The following CNTNAP2 variants were observed in gnomAD, a reference collection of about 807,000 sequenced individuals.
CNTNAP2 encodes the protein contactin-associated protein-like 2.
A neutral mutation model predicts 155.2 loss-of-function variants in CNTNAP2; 98 were observed. That is an observed-to-expected ratio of 0.63 (90% CI 0.54 to 0.75). The LOEUF (loss-of-function observed/expected upper bound fraction) is 0.75. CNTNAP2 is among the 30% of genes least tolerant of loss of function. The pLI is 0.00. For missense variants in CNTNAP2, 1,727 were observed against 1,688.1 expected (o/e 1.02, Z -0.40); for synonymous variants, 651 against 631.2 (o/e 1.03, Z -0.47).
chr7:147,189,277 A>G (rs1159660555), intron 8 of CNTNAP2, among the ~76,000 whole-genome samples: 1 of 152,200 alleles, frequency 6.6e-6, no homozygotes, highest in Non-Finnish European at 1.5e-5. Context: ...ATCTTACAGA[A>G]AAACATTAAT....
rs897906138 is a variant in CNTNAP2 at position 146,602,068 on chromosome 7, G to T, written c.98-172203G>T. Among the ~76,000 whole-genome samples, 4 of 152,132 alleles carry T rather than the reference G, an allele frequency of 2.6e-5. No homozygotes were observed. The South Asian group carries it at 6.2e-4, about 24-fold the overall frequency. On this transcript the variant is annotated intron_variant, in intron 1 of 23. Coordinates refer to ENST00000361727, the MANE Select transcript of CNTNAP2 (RefSeq NM_014141.6). ...TATTTTGGGAATAATGCAGAAAATG[G>T]TATCAAAATTGACTTGAGTTAAATA...
At chr7:148,327,286 C>T (rs539850190) in intron 21 of CNTNAP2, among the ~76,000 whole-genome samples, 1 of 152,188 alleles carries the variant, frequency 6.6e-6, no homozygotes, top group African/African-American at 2.4e-5. Context: ...GTAGCTCCGA[C>T]ATGATGTACC....
rs571024871 is a variant in CNTNAP2 at position 148,345,511 on chromosome 7, C to T, written c.3476-38138C>T. On this transcript the variant is annotated intron_variant, in intron 21 of 23. Coordinates refer to ENST00000361727, the MANE Select transcript of CNTNAP2 (RefSeq NM_014141.6). ...CTGAGTAGCTGGGACTACAGGCACC[C>T]GCCACCATGCCCGACTCATTTTTTG... Among the ~76,000 whole-genome samples, 20 of 152,114 alleles carry T rather than the reference C, an allele frequency of 1.3e-4. No individual in the cohort carries two copies. The South Asian group carries it at 2.5e-3, about 19-fold the overall frequency.
Position 146,553,860 on chromosome 7 carries a change from T to C in CNTNAP2, c.98-220411T>C, listed in dbSNP as rs1052103286. Among the ~76,000 whole-genome samples the C allele has an allele frequency of 7.9e-5, 12 of 152,210 alleles. No homozygotes were observed. In the East Asian group the frequency reaches 2.1e-3, roughly 27 times the overall value. On this transcript the variant is annotated intron_variant, in intron 1 of 23. Transcript: ENST00000361727. ...GAGAATTATGCTGTCTGCGTACTCA[T>C]GACCGGCATAGTTTTCCACAAGTGC...
intron 1 of CNTNAP2, among the ~76,000 whole-genome samples, chr7:146,711,182 A>G (rs1801062116): frequency 6.7e-6 from 1 of 150,318 alleles, no homozygotes; most frequent in Non-Finnish European, 1.5e-5. Context: ...CAGAATTTGC[A>G]CACATATGTA....
intron 13 of CNTNAP2, among the ~76,000 whole-genome samples, chr7:147,670,817 T>TA (rs1795775093): frequency 1.3e-5 from 2 of 152,152 alleles, no homozygotes; most frequent in East Asian, 1.9e-4. Context: ...CTAGTGTGGA[T>TA]AAAAAAGGCT....
At chr7:146,928,735 A>T (rs954925036) in intron 3 of CNTNAP2, among the ~76,000 whole-genome samples, 3 of 152,218 alleles carry the variant, frequency 2.0e-5, no homozygotes, top group African/African-American at 7.2e-5. Flanking sequence ...TCCCACCCTA[A>T]TACTGTGCTT....
intron 15 of CNTNAP2, among the ~76,000 whole-genome samples, chr7:148,015,435 CAGA>C (rs1217092913): frequency 6.6e-6 from 1 of 152,182 alleles, no homozygotes; most frequent in African/African-American, 2.4e-5. Flanking sequence ...TCCAAGGACA[CAGA>C]GGAGCGCCTG....
intron 1 of CNTNAP2, among the ~76,000 whole-genome samples, chr7:146,593,310 G>A (rs1490760476): frequency 6.6e-6 from 1 of 152,014 alleles, no homozygotes; most frequent in Admixed American, 6.6e-5. Flanking sequence ...GAAGGGGGCA[G>A]TTGGCTTGCA....
chr7:147,684,230 TA>T (rs1795988603), intron 13 of CNTNAP2, among the ~76,000 whole-genome samples: 2 of 151,836 alleles, frequency 1.3e-5, no homozygotes, highest in Admixed American at 1.3e-4. Flanking sequence ...CTTCTGGCCC[TA>T]ATGTGCCCTT....
chr7:147,757,534 AT>A (rs1331189517), intron 13 of CNTNAP2, among the ~76,000 whole-genome samples: 1 of 152,062 alleles, frequency 6.6e-6, no homozygotes, highest in Non-Finnish European at 1.5e-5. Flanking sequence ...TTGTACCTTA[AT>A]TTCCACCTCC....
chr7:146,914,094 T>C (rs2129217991), intron 3 of CNTNAP2, among the ~76,000 whole-genome samples: 1 of 152,272 alleles, frequency 6.6e-6, no homozygotes, highest in South Asian at 2.1e-4. Flanking sequence ...TCATTATTTA[T>C]GGCTTTTTAA....
intron 8 of CNTNAP2, among the ~76,000 whole-genome samples, chr7:147,213,356 A>G (rs1467998120): frequency 6.6e-6 from 1 of 152,108 alleles, no homozygotes; most frequent in Non-Finnish European, 1.5e-5. Context: ...TCAAATAATA[A>G]TCTCTTCCAG....
At chr7:147,225,602 G>A (rs1803503015) in intron 8 of CNTNAP2, among the ~76,000 whole-genome samples, 1 of 151,986 alleles carries the variant, frequency 6.6e-6, no homozygotes, top group African/African-American at 2.4e-5. Context: ...ATATTAAATT[G>A]GCTTTAAATT....
chr7:147,347,585 C>T (rs1471828878), intron 9 of CNTNAP2, among the ~76,000 whole-genome samples: 1 of 150,364 alleles, frequency 6.7e-6, no homozygotes, highest in Non-Finnish European at 1.5e-5. Context: ...ACCTAAGTAC[C>T]ATTAAAATAA....
At chr7:147,538,740 A>G (rs1319220268) in intron 11 of CNTNAP2, among the ~76,000 whole-genome samples, 1 of 152,144 alleles carries the variant, frequency 6.6e-6, no homozygotes, top group Non-Finnish European at 1.5e-5. Context: ...CAAATTCAAT[A>G]ATCCTCAACT....
At chr7:147,966,356 C>A (rs2204925) in intron 14 of CNTNAP2, among the ~76,000 whole-genome samples, 56,336 of 151,846 alleles carry the variant, frequency 0.37, 12,256 homozygotes, top group Middle Eastern at 0.63. Flanking sequence ...GCTATTTAAG[C>A]AAAAATTTAG....
intron 2 of CNTNAP2, among the ~76,000 whole-genome samples, chr7:146,808,544 A>T (rs1170805183): frequency 1.3e-5 from 2 of 152,218 alleles, no homozygotes; most frequent in Non-Finnish European, 2.9e-5. Flanking sequence ...ATTAACAAAA[A>T]TTGAATATAC....
intron 14 of CNTNAP2, among the ~76,000 whole-genome samples, chr7:147,961,923 G>T (rs1160331199): frequency 6.6e-6 from 1 of 152,126 alleles, no homozygotes; most frequent in Non-Finnish European, 1.5e-5. Context: ...AGAACTGTAG[G>T]ATTGCAATAC....
Sources: allele counts gnomAD v4.1 joint callset (sites outside exome capture counted in the v4.1 genomes callset), GRCh38; gene constraint gnomAD v4.1.1; transcripts MANE v1.5; gene names NCBI Gene and HGNC (gene_info 2026-07-23, HGNC 2026-07-21).